PLXDC2: variants seen among roughly 807,000 people sequenced by gnomAD.
The protein encoded by PLXDC2 is plexin domain containing 2.
Under a neutral mutation model 68.9 loss-of-function variants are expected in PLXDC2, and 40 were observed. That is an observed-to-expected ratio of 0.58 (90% confidence interval 0.45 to 0.76). The LOEUF (loss-of-function observed/expected upper bound fraction) is 0.76. Among genes scored for constraint, PLXDC2 ranks in the 30% least tolerant of loss-of-function variants. The pLI, the probability that PLXDC2 is intolerant of heterozygous loss-of-function variation, is 0.00. For missense variants in PLXDC2, 644 were observed against 661.9 expected, an observed-to-expected ratio of 0.97 and a Z score of 0.30; for synonymous variants, 243 against 234.2, an observed-to-expected ratio of 1.04 and a Z score of -0.34.
chr10:20,081,914 G>A (rs1351391799), intron 4 of PLXDC2, among the ~76,000 whole-genome samples: 4 of 151,580 alleles, frequency 2.6e-5, no homozygotes, highest in South Asian at 2.1e-4. Context: ...GCATGGTGGC[G>A]CATGCCTGTA....
intron 2 of PLXDC2, among the ~76,000 whole-genome samples, chr10:20,023,049 A>AT (rs1174553888): frequency 6.7e-6 from 1 of 149,666 alleles, no homozygotes; most frequent in South Asian, 2.1e-4. Flanking sequence ...AAGGCTCTTA[A>AT]TTTTTTTTGG....
chr10:20,037,458 C>A (rs1013336139), intron 2 of PLXDC2, among the ~76,000 whole-genome samples: 5 of 151,934 alleles, frequency 3.3e-5, no homozygotes, highest in Non-Finnish European at 7.4e-5. Flanking sequence ...GTGCTGCACT[C>A]ATTAACTCGT....
chr10:20,169,031 TGTG>T (rs1834411845), intron 7 of PLXDC2, among the ~76,000 whole-genome samples: 1 of 152,146 alleles, frequency 6.6e-6, no homozygotes, highest in Non-Finnish European at 1.5e-5. Flanking sequence ...CTGTCTAAAA[TGTG>T]GTCATTAATA....
chr10:19,904,457 G>A (rs891546674), intron 1 of PLXDC2, among the ~76,000 whole-genome samples: 3 of 151,992 alleles, frequency 2.0e-5, no homozygotes, highest in African/African-American at 7.2e-5. Context: ...CCAAAAGCTG[G>A]TCTCACTCCC....
At chr10:19,882,807 A>C (rs1837753023) in intron 1 of PLXDC2, among the ~76,000 whole-genome samples, 1 of 152,236 alleles carries the variant, frequency 6.6e-6, no homozygotes, top group African/African-American at 2.4e-5. Context: ...GAACAATGTT[A>C]AAAGCAGAAC....
At chr10:20,169,870 A>G (rs112126272) in intron 7 of PLXDC2, among the ~76,000 whole-genome samples, 4,889 of 152,298 alleles carry the variant, frequency 0.032, 86 homozygotes, top group South Asian at 0.069. Context: ...CAGTGACTAT[A>G]TCTGAGTCCC....
chr10:20,124,461 C>G (rs548218973), intron 4 of PLXDC2, among the ~76,000 whole-genome samples: 1 of 152,054 alleles, frequency 6.6e-6, no homozygotes, highest in Non-Finnish European at 1.5e-5. Context: ...ATCTTTCTCA[C>G]GGAGCAAAGG....
intron 1 of PLXDC2, among the ~76,000 whole-genome samples, chr10:19,884,931 G>C (rs1837813546): frequency 6.6e-6 from 1 of 152,200 alleles, no homozygotes; most frequent in South Asian, 2.1e-4. Flanking sequence ...TCGCCACACT[G>C]ACTTCCACAA....
At chr10:19,929,748 C>CA (rs535964725) in intron 1 of PLXDC2, among the ~76,000 whole-genome samples, 116 of 152,236 alleles carry the variant, frequency 7.6e-4, no homozygotes, top group African/African-American at 1.5e-3. Flanking sequence ...ACCACTGATA[C>CA]AAAAAAACTG....
At chr10:20,099,017 AATT>A (rs1554766464) in intron 4 of PLXDC2, among the ~76,000 whole-genome samples, 1 of 152,202 alleles carries the variant, frequency 6.6e-6, no homozygotes, top group Non-Finnish European at 1.5e-5. Flanking sequence ...ATAAGAAGAT[AATT>A]ATTAAGCAGC....
intron 4 of PLXDC2, among the ~76,000 whole-genome samples, chr10:20,083,058 A>T (rs1836599447): frequency 6.6e-6 from 1 of 152,158 alleles, no homozygotes; most frequent in Admixed American, 6.5e-5. Flanking sequence ...TGAGCAGAAA[A>T]ATCTCTAGAC....
intron 1 of PLXDC2, among the ~76,000 whole-genome samples, chr10:19,836,103 A>G (rs1361482263): frequency 6.6e-6 from 1 of 151,916 alleles, no homozygotes; most frequent in Non-Finnish European, 1.5e-5. Flanking sequence ...CTTGAGCCCA[A>G]GAGGTTGAGG....
chr10:20,257,692 TA>T (rs1418244174), intron 13 of PLXDC2, among the ~76,000 whole-genome samples: 1 of 152,180 alleles, frequency 6.6e-6, no homozygotes, highest in African/African-American at 2.4e-5. Context: ...TAAAATGCCT[TA>T]AGCAAATCGT....
At chr10:20,241,111 A>G (rs1029262390) in intron 12 of PLXDC2, among the ~76,000 whole-genome samples, 1 of 141,150 alleles carries the variant, frequency 7.1e-6, no homozygotes, top group Non-Finnish European at 1.5e-5. Flanking sequence ...GTGTCTTGAC[A>G]TCTAAAGCAG....
chr10:20,084,480 C>G (rs1343581703), intron 4 of PLXDC2, among the ~76,000 whole-genome samples: 3 of 152,098 alleles, frequency 2.0e-5, no homozygotes, highest in Non-Finnish European at 4.4e-5. Context: ...GACCTTATAG[C>G]AGGCCTTGTA....
chr10:20,192,846 T>C (rs1016662922), intron 9 of PLXDC2, among the ~76,000 whole-genome samples: 6 of 152,002 alleles, frequency 3.9e-5, no homozygotes, highest in Non-Finnish European at 5.9e-5. Flanking sequence ...AGGAGACAAG[T>C]ATACAAGAAA....
At chr10:20,073,760 A>G (rs1215753205) in intron 4 of PLXDC2, among the ~76,000 whole-genome samples, 1 of 152,092 alleles carries the variant, frequency 6.6e-6, no homozygotes, top group Non-Finnish European at 1.5e-5. Context: ...TACCACCAAG[A>G]TGTGTTTTTT....
intron 9 of PLXDC2, among the ~76,000 whole-genome samples, chr10:20,190,185 G>A (rs1196986514): frequency 6.6e-6 from 1 of 151,896 alleles, no homozygotes; most frequent in East Asian, 1.9e-4. Flanking sequence ...ACTTTATGTG[G>A]TTATAATGTA....
At chr10:20,210,948 G>A (rs1052365785) in intron 9 of PLXDC2, among the ~76,000 whole-genome samples, 12 of 152,080 alleles carry the variant, frequency 7.9e-5, no homozygotes, top group East Asian at 1.9e-4. Flanking sequence ...TCTTCCAGTC[G>A]TCAGCTCTCC....
Sources: allele counts gnomAD v4.1 joint callset (sites outside exome capture counted in the v4.1 genomes callset), GRCh38; gene constraint gnomAD v4.1.1; transcripts MANE v1.5; gene names NCBI Gene and HGNC (gene_info 2026-07-23, HGNC 2026-07-21).